Variants in TRIM33 observed in about 807,000 individuals in gnomAD.
TRIM33 encodes the protein E3 ubiquitin-protein ligase TRIM33.
TRIM33 carries 20 observed loss-of-function variants against 125.4 expected under a neutral mutation model. The ratio of observed to expected loss-of-function variants is 0.16; its 90% CI spans 0.11 to 0.23. The LOEUF is 0.23. TRIM33 is among the 10% of genes least tolerant of loss of function. The pLI is 1.00. For synonymous variants in TRIM33, 564 were observed against 513.9 expected (o/e 1.10, Z -1.32); for missense variants, 920 against 1,411.4 (o/e 0.65, Z 5.58).
chr1:114,457,488 A>G (rs533293446), intron 4 of TRIM33, among the ~76,000 whole-genome samples: 25 of 152,330 alleles, frequency 1.6e-4, no homozygotes, highest in African/African-American at 6.0e-4. Flanking sequence ...AAACAGCCAT[A>G]ATATCTTAGG....
Position 114,421,584 on chromosome 1 carries a change from G to T in TRIM33, c.1913C>A (p.Thr638Asn). ...AGTAGGGCTCGTTGGGTTGATTGTG[G>T]TGTTGTGTACCGATACTACGGGAAA... ...GPFPVVSVHN[T>N]TINPTSPTTA... Residue 638 changes from threonine to asparagine, a missense_variant, in exon 11 of 20, where the codon ACC (threonine) becomes AAC (asparagine). Thr to Asn is a moderately conservative substitution (Grantham distance 65). This residue lies in a region of TRIM33 where 407 missense variants were observed against 589.7 expected (regional missense o/e 0.69). Transcript: ENST00000358465. 6.2e-7 allele frequency: 1 copy of T among 1,614,156 alleles called. No individual in the cohort carries two copies.
At chr1:114,487,100 A>C (rs1651747311) in intron 1 of TRIM33, among the ~76,000 whole-genome samples, 1 of 151,866 alleles carries the variant, frequency 6.6e-6, no homozygotes, top group Admixed American at 6.6e-5. Context: ...AAAAAAAAAA[A>C]AATTACTTGA....
chr1:114,489,404 T>C (rs975134727), intron 1 of TRIM33, among the ~76,000 whole-genome samples: 2 of 152,094 alleles, frequency 1.3e-5, no homozygotes, highest in African/African-American at 4.8e-5. Context: ...TCAGATATGG[T>C]GCGAAAAACA....
chr1:114,493,283 T>C (rs1652180745), intron 1 of TRIM33, among the ~76,000 whole-genome samples: 1 of 152,244 alleles, frequency 6.6e-6, no homozygotes, highest in East Asian at 1.9e-4. Flanking sequence ...TCTTTATATA[T>C]TTCACTATCA....
rs567919670 is a variant in TRIM33 at position 114,416,820 on chromosome 1, A to G, written c.2061+4616T>C. 4.6e-5 allele frequency among the ~76,000 whole-genome samples: 7 copies of G among 152,274 alleles called. 1 individual carries two copies. The South Asian group carries it at 1.5e-3, about 32-fold the overall frequency. ...AAAAAGAGTTAAAAATAATCCATAAATGTGCCTGAATATGCTTCCTGTAAA... is the reference window on the plus strand; with the variant it reads ...AAAAAGAGTTAAAAATAATCCATAAGTGTGCCTGAATATGCTTCCTGTAAA... On this transcript the variant is annotated intron_variant, in intron 11 of 19. Transcript: ENST00000358465.
chr1:114,494,621 A>G (rs2101547260), intron 1 of TRIM33, among the ~76,000 whole-genome samples: 1 of 152,300 alleles, frequency 6.6e-6, no homozygotes, highest in African/African-American at 2.4e-5. Context: ...AGGTAGACAA[A>G]CCACAGGGGA....
chr1:114,479,082 G>A (rs145206827), intron 1 of TRIM33, among the ~76,000 whole-genome samples: 2 of 152,212 alleles, frequency 1.3e-5, no homozygotes, highest in African/African-American at 4.8e-5. Context: ...TGAACTTGTA[G>A]ATGGATAAAT....
chr1:114,434,964 C>T (rs1178078724), intron 4 of TRIM33, among the ~76,000 whole-genome samples: 1 of 152,038 alleles, frequency 6.6e-6, no homozygotes, highest in Non-Finnish European at 1.5e-5. Flanking sequence ...AAAATCCACA[C>T]ATAAATACTT....
Position 114,511,166 on chromosome 1 carries a change from G to A in TRIM33, c.-90C>T, listed in dbSNP as rs1653353262. The A allele has an allele frequency of 3.9e-6, 4 of 1,036,594 alleles. No homozygotes were observed. Among genetic ancestry groups the A allele is most frequent in the Non-Finnish European group, 3.5e-6 (3 of 861,120 alleles). The allele number at this position is 1,036,594 out of a possible 1,614,324, so 64.2% of individuals were successfully genotyped here. ...GCCCCCAGCCCCAGCCGCAGCCGCA[G>A]CAAGAGCGGCAGCCGAGAGCTAGCG... On this transcript the variant is annotated 5_prime_UTR_variant, in exon 1 of 20. Coordinates refer to ENST00000358465, the MANE Select transcript of TRIM33 (RefSeq NM_015906.4).
At chr1:114,410,411 TAACA>T in intron 11 of TRIM33, 95 bp from the exon 12 acceptor site, 2 of 1,264,164 alleles carry the variant, frequency 1.6e-6, no homozygotes, top group Non-Finnish European at 2.2e-6. Context: ...ATTAATAAAC[TAACA>T]GATTATCCAA....
At chr1:114,435,733 G>A (rs565976140) in intron 4 of TRIM33, among the ~76,000 whole-genome samples, 3 of 151,728 alleles carry the variant, frequency 2.0e-5, no homozygotes, top group African/African-American at 7.3e-5. Flanking sequence ...TTATCCGTCT[G>A]AACTTTTTTT....
intron 4 of TRIM33, among the ~76,000 whole-genome samples, chr1:114,455,017 T>G (rs1649539710): frequency 6.6e-6 from 1 of 152,184 alleles, no homozygotes; most frequent in Non-Finnish European, 1.5e-5. Flanking sequence ...TAAAATGGAC[T>G]GTGACAGTGA....
At chr1:114,430,674 C>T (rs1647889923) in intron 6 of TRIM33, 124 bp downstream of exon 6, 2 of 661,828 alleles carry the variant, frequency 3.0e-6, no homozygotes, top group African/African-American at 3.7e-5. Flanking sequence ...TTTTAAAAAC[C>T]TTATTTTACG....
intron 11 of TRIM33, among the ~76,000 whole-genome samples, chr1:114,412,706 AG>A (rs1470263031): frequency 6.6e-6 from 1 of 151,906 alleles, no homozygotes; most frequent in Non-Finnish European, 1.5e-5. Context: ...TTTCACTGTT[AG>A]TTACTATTCT....
chr1:114,454,299 C>T (rs1649500711), intron 4 of TRIM33, among the ~76,000 whole-genome samples: 1 of 152,034 alleles, frequency 6.6e-6, no homozygotes, highest in Non-Finnish European at 1.5e-5. Context: ...GCTGCAGTTA[C>T]TAGAGGTAAA....
intron 1 of TRIM33, among the ~76,000 whole-genome samples, chr1:114,489,188 G>A (rs942446211): frequency 6.6e-6 from 1 of 152,212 alleles, no homozygotes; most frequent in African/African-American, 2.4e-5. Flanking sequence ...ATGGAGGACA[G>A]AGTAGTCTTT....
chr1:114,497,508 C>T (rs1489061317), intron 1 of TRIM33, among the ~76,000 whole-genome samples: 5 of 152,072 alleles, frequency 3.3e-5, no homozygotes, highest in Non-Finnish European at 7.4e-5. Context: ...ACCACATTGG[C>T]GAGGCTTGTC....
rs1651995550 is a variant in TRIM33, at chr1:114,402,892, G to T, written c.2769-9C>A. On this transcript the variant is annotated splice_polypyrimidine_tract_variant and intron_variant, in intron 15 of 19. Coordinates refer to ENST00000358465, the MANE Select transcript of TRIM33 (RefSeq NM_015906.4). ...TGCATATCCAGTCCCCACTAGACAG[G>T]GAAATAGGCAATTAGTCCACGTAAT... 6.2e-7 allele frequency: 1 copy of T among 1,607,056 alleles called. No homozygotes were observed. The highest frequency in any genetic ancestry group is 1.1e-5 in the South Asian group (1 of 89,856).
Position 114,476,846 on chromosome 1 carries a change from A to T in TRIM33, c.527-12458T>A, listed in dbSNP as rs577105627. Among the ~76,000 whole-genome samples, 37 of 151,870 alleles carry T rather than the reference A, an allele frequency of 2.4e-4. No individual in the cohort carries two copies. In the East Asian group the frequency reaches 5.8e-3, roughly 24 times the overall value. ...AAAGATTAGAAGACGTTGCCATTTT[A>T]AAAAAAATACAAAATCCAGATAGTT... On this transcript the variant is annotated intron_variant, in intron 1 of 19. Transcript: ENST00000358465.
Sources: allele counts gnomAD v4.1 joint callset (sites outside exome capture counted in the v4.1 genomes callset), GRCh38; gene constraint gnomAD v4.1.1; regional missense constraint gnomAD v4.1.1; transcripts MANE v1.5; gene names NCBI Gene and HGNC (gene_info 2026-07-23, HGNC 2026-07-21).